SLC68A1: variants seen among roughly 807,000 people sequenced by gnomAD.
SLC68A1 encodes major facilitator superfamily domain containing 13A.
chr10:102,467,889 C>T, the SLC68A1 span, among the ~76,000 whole-genome samples: 18 of 152,266 alleles, frequency 1.2e-4, no homozygotes, highest in Non-Finnish European at 1.9e-4. Context: ...AACTCCTGAC[C>T]TCAGGTGATC....
chr10:102,464,042 A>G, the SLC68A1 span, among the ~76,000 whole-genome samples: 1 of 152,132 alleles, frequency 6.6e-6, no homozygotes, highest in South Asian at 2.1e-4. Flanking sequence ...TTTATTTTTG[A>G]TTGATGTTGC....
chr10:102,469,190 T>C, the SLC68A1 span: 2 of 1,613,714 alleles, frequency 1.2e-6, no homozygotes, highest in Non-Finnish European at 1.7e-6. Context: ...GCCTTCTGGG[T>C]CGGAGAGGTA....
At chr10:102,465,750 C>G in the SLC68A1 span, among the ~76,000 whole-genome samples, 1 of 152,100 alleles carries the variant, frequency 6.6e-6, no homozygotes, top group Non-Finnish European at 1.5e-5. Context: ...CTGTTCTCTG[C>G]TGGGGCAGAT....
At chr10:102,470,863 C>T in the SLC68A1 span, 29 of 1,613,318 alleles carry the variant, frequency 1.8e-5, no homozygotes, top group African/African-American at 2.0e-4. Context: ...CCTTGCTGGC[C>T]GACCTGGCCC....
At chr10:102,468,681 G>A in the SLC68A1 span, 1 of 171,870 alleles carries the variant, frequency 5.8e-6, no homozygotes, top group Non-Finnish European at 1.2e-5. Context: ...AAAAAAAAAA[G>A]ACATCGAGCA....
At chr10:102,471,962 A>T in the SLC68A1 span, 3 of 453,196 alleles carry the variant, frequency 6.6e-6, no homozygotes, top group Non-Finnish European at 1.3e-5. Context: ...AGGATATGAG[A>T]CAGAGATGCC....
the SLC68A1 span, among the ~76,000 whole-genome samples, chr10:102,465,455 A>G: frequency 3.3e-5 from 5 of 151,786 alleles, no homozygotes; most frequent in African/African-American, 1.2e-4. Context: ...CTGTGTATTG[A>G]GGGTCTTCCA....
the SLC68A1 span, among the ~76,000 whole-genome samples, chr10:102,466,571 T>A: frequency 1.3e-5 from 2 of 151,830 alleles, no homozygotes. Flanking sequence ...TTGCCTGAGG[T>A]TACACTCTTA....
chr10:102,461,437 C>G, the SLC68A1 span: 1 of 152,244 alleles, frequency 6.6e-6, no homozygotes, highest in Non-Finnish European at 1.5e-5. Flanking sequence ...TAGGCTTCGC[C>G]GGCTACGATT....
At chr10:102,472,639 C>G in the SLC68A1 span, among the ~76,000 whole-genome samples, 1 of 152,312 alleles carries the variant, frequency 6.6e-6, no homozygotes, top group African/African-American at 2.4e-5. Flanking sequence ...GCCGTGGCTT[C>G]TAACTTTTTA....
At chr10:102,471,226 A>G in the SLC68A1 span, 1 of 1,601,768 alleles carries the variant, frequency 6.2e-7, no homozygotes, top group Admixed American at 1.7e-5. Flanking sequence ...GTTGGGGGAT[A>G]ACTCTGGCCA....
the SLC68A1 span, among the ~76,000 whole-genome samples, chr10:102,475,140 A>G: frequency 2.6e-5 from 4 of 152,092 alleles, no homozygotes; most frequent in Non-Finnish European, 4.4e-5. Context: ...ACTAAAAAAT[A>G]CAAAAATTAG....
chr10:102,466,875 A>C, the SLC68A1 span, among the ~76,000 whole-genome samples: 1 of 152,232 alleles, frequency 6.6e-6, no homozygotes, highest in Non-Finnish European at 1.5e-5. Flanking sequence ...ACAGAGGCGG[A>C]CATTGTGCTT....
the SLC68A1 span, among the ~76,000 whole-genome samples, chr10:102,467,554 G>T: frequency 1.3e-5 from 2 of 152,176 alleles, no homozygotes; most frequent in African/African-American, 4.8e-5. Context: ...TTCTTCAGGG[G>T]GTTCAAGGGC....
At chr10:102,473,302 G>C in the SLC68A1 span, among the ~76,000 whole-genome samples, 1 of 152,138 alleles carries the variant, frequency 6.6e-6, no homozygotes, top group Non-Finnish European at 1.5e-5. Flanking sequence ...GATGGGCCTG[G>C]GTGTGAGTCT....
chr10:102,473,219 G>A, the SLC68A1 span, among the ~76,000 whole-genome samples: 2 of 152,100 alleles, frequency 1.3e-5, no homozygotes, highest in Non-Finnish European at 2.9e-5. Context: ...AGGCTGTGCT[G>A]GTGTGGGTCC....
At chr10:102,472,759 G>GGGAGTT in the SLC68A1 span, 1 of 887,730 alleles carries the variant, frequency 1.1e-6, no homozygotes, top group Admixed American at 1.7e-5. Flanking sequence ...TCTGAGGATG[G>GGGAGTT]GGAGTTGGGG....
At chr10:102,471,213 T>C in the SLC68A1 span, 2 of 1,601,490 alleles carry the variant, frequency 1.2e-6, no homozygotes, top group Admixed American at 1.7e-5. Flanking sequence ...TGCCCTGGGA[T>C]GTGTTGGGGG....
the SLC68A1 span, chr10:102,474,091 G>A: frequency 7.0e-7 from 1 of 1,429,474 alleles, no homozygotes; most frequent in South Asian, 1.4e-5. Context: ...GGCAAGCCTG[G>A]GCTCTGGGTC....
Sources: gnomAD v4.1 joint callset for allele counts (sites outside exome capture counted in the v4.1 genomes callset) on GRCh38, gnomAD v4.1.1 for gene constraint, MANE v1.5 for transcripts, NCBI Gene and HGNC (gene_info 2026-07-23, HGNC 2026-07-21) for gene names.